The following HIF1A variants were observed in gnomAD, a reference collection of about 807,000 sequenced individuals.
HIF1A encodes hypoxia-inducible factor 1-alpha.
Under a neutral mutation model 92.7 loss-of-function variants are expected in HIF1A, and 24 were observed. The observed-to-expected ratio is 0.26, with a 90% CI of 0.19 to 0.36. The LOEUF (loss-of-function observed/expected upper bound fraction) is 0.36, where lower values mean the gene tolerates loss of function less well. Among genes scored for constraint, HIF1A ranks in the 10% least tolerant of loss-of-function variants. The pLI is 1.00. For missense variants in HIF1A, 799 were observed against 998.5 expected (o/e 0.80, Z 2.69); for synonymous variants, 319 against 338.7 (o/e 0.94, Z 0.64).
chr14:61,706,292 T>C (rs1011046627), intron 1 of HIF1A, among the ~76,000 whole-genome samples: 4 of 152,180 alleles, frequency 2.6e-5, no homozygotes, highest in Admixed American at 2.6e-4. Context: ...TATTAAAAGC[T>C]GACTTTTAAA....
At chr14:61,706,084 G>C (rs1388886844) in intron 1 of HIF1A, among the ~76,000 whole-genome samples, 3 of 151,984 alleles carry the variant, frequency 2.0e-5, no homozygotes, top group Non-Finnish European at 4.4e-5. Flanking sequence ...ACCTTCTTAG[G>C]TTCTAGTCTT....
At chr14:61,744,304 C>G (rs989082427) in intron 12 of HIF1A, among the ~76,000 whole-genome samples, 3 of 152,094 alleles carry the variant, frequency 2.0e-5, no homozygotes, top group Non-Finnish European at 4.4e-5. Flanking sequence ...GTGGGCAGAT[C>G]ACTTGCGCTC....
intron 1 of HIF1A, among the ~76,000 whole-genome samples, chr14:61,711,207 CTTTTTT>C (rs10615564): frequency 2.8e-4 from 24 of 86,130 alleles, no homozygotes; most frequent in African/African-American, 5.2e-4. Flanking sequence ...TTAAGTATTC[CTTTTTT>C]TTTTTTTTTT....
At chr14:61,708,811 G>T (rs1489645551) in intron 1 of HIF1A, among the ~76,000 whole-genome samples, 1 of 152,116 alleles carries the variant, frequency 6.6e-6, no homozygotes, top group Non-Finnish European at 1.5e-5. Flanking sequence ...TTCTTCCAGG[G>T]GACTGTGATG....
chr14:61,698,423 T>G (rs1385586068), intron 1 of HIF1A, among the ~76,000 whole-genome samples: 1 of 152,206 alleles, frequency 6.6e-6, no homozygotes, highest in African/African-American at 2.4e-5. Context: ...ATGATAAGAA[T>G]AGCAGCCATC....
chr14:61,731,478 G>A (rs2044574961), intron 6 of HIF1A, among the ~76,000 whole-genome samples: 1 of 152,144 alleles, frequency 6.6e-6, no homozygotes, highest in South Asian at 2.1e-4. Context: ...TTGAAATATT[G>A]TTTTATCTGA....
At chr14:61,708,730 G>C (rs549089876) in intron 1 of HIF1A, among the ~76,000 whole-genome samples, 3 of 152,276 alleles carry the variant, frequency 2.0e-5, no homozygotes, top group South Asian at 2.1e-4. Context: ...TTTGAAGTCA[G>C]GTAGTGTGAT....
intron 8 of HIF1A, 67 bp downstream of exon 8, chr14:61,734,352 A>G (rs900477230): frequency 1.2e-5 from 13 of 1,046,886 alleles, no homozygotes; most frequent in Non-Finnish European, 1.7e-5. Flanking sequence ...TACTCTGTTC[A>G]TTTATAGGAA....
chr14:61,714,008 G>A (rs2044336088), intron 1 of HIF1A, among the ~76,000 whole-genome samples: 1 of 152,202 alleles, frequency 6.6e-6, no homozygotes, highest in East Asian at 1.9e-4. Context: ...GATTGCTGTG[G>A]TGTGGGAGCA....
Position 61,747,070 on chromosome 14 carries a change from G to A in HIF1A, c.2466G>A (p.Leu822=), listed in dbSNP as rs777407997. ...LLQGEELLRA[L]DQVN is the part of the protein sequence containing the mutation. ...AGGGTGAAGAATTACTCAGAGCTTT[G>A]GATCAAGTTAACTGAGCTTTTTCTT... Residue 822 remains leucine (L), a synonymous_variant, in exon 15 of 15, where the codon TTG becomes TTA. Coordinates refer to ENST00000337138, the MANE Select transcript of HIF1A (RefSeq NM_001530.4). 1 of 1,609,072 alleles carries A rather than the reference G, an allele frequency of 6.2e-7. No individual in the cohort carries two copies. Among genetic ancestry groups the A allele is most frequent in the South Asian group, 1.1e-5 (1 of 89,808 alleles).
At position 61,740,522 on chromosome 14, in the gene HIF1A, A is replaced by C. The variant is rs1482931874; in HGVS notation, c.1554A>C (p.Glu518Asp). The C allele has an allele frequency of 6.3e-7, 1 of 1,588,612 alleles. No homozygotes were observed. The highest frequency in any genetic ancestry group is 1.4e-5 in the African/African-American group (1 of 73,706). ...QSSPEPNSPS[E>D]YCFYVDSDMV... ...TTTTACAGCCTAATAGTCCCAGTGA[A>C]TATTGTTTTTATGTGGATAGTGATA... The change falls in exon 11 of 15, where the codon GAA becomes GAC. Residue 518 changes from glutamate (E) to aspartate (D), a missense_variant. By Grantham distance (45) the Glu-to-Asp change is conservative. This residue lies in a region of HIF1A where 516 missense variants were observed against 721.0 expected (regional missense o/e 0.72). Coordinates refer to ENST00000337138, the MANE Select transcript of HIF1A (RefSeq NM_001530.4).
rs542786518 is a variant in HIF1A, at chr14:61,732,099, T to C, written c.774-319T>C. On this transcript the variant is annotated intron_variant, in intron 6 of 14. Coordinates refer to ENST00000337138, the MANE Select transcript of HIF1A (RefSeq NM_001530.4). ...TGCGGTGAGCCAAGATCACACCTCA[T>C]TGTGCTCTCCAGCCTGAGCAACACG... Among the ~76,000 whole-genome samples the C allele has an allele frequency of 3.3e-5, 5 of 152,148 alleles. No homozygotes were observed. In the South Asian group the frequency reaches 8.3e-4, roughly 25 times the overall value.
chr14:61,746,871 G>A, intron 14 of HIF1A, 63 bp from the exon 15 acceptor site: 1 of 1,289,124 alleles, frequency 7.8e-7, no homozygotes, highest in Non-Finnish European at 1.1e-6. Context: ...ACACATTGTG[G>A]GTGTTTAATA....
chr14:61,729,695 C>T (rs1006070185), intron 6 of HIF1A, among the ~76,000 whole-genome samples: 3 of 151,594 alleles, frequency 2.0e-5, no homozygotes, highest in African/African-American at 7.3e-5. Flanking sequence ...TTTTTGAAAA[C>T]TTAAGGTAAC....
At position 61,740,212 on chromosome 14, in the gene HIF1A, G is replaced by A. The variant is rs576411984; in HGVS notation, c.1537-293G>A. On this transcript the variant is annotated intron_variant, in intron 10 of 14. Transcript: ENST00000337138. ...CTCCTGAGTAGCTGGGATTACAGGC[G>A]TTTGCCACCATGCCTAGCTAATTTT... 53 of 169,660 alleles carry A rather than the reference G, an allele frequency of 3.1e-4. No homozygotes were observed. The East Asian group carries it at 4.8e-3, about 15-fold the overall frequency. The allele number at this position is 169,660 out of a possible 1,614,324, so 10.5% of individuals were successfully genotyped here.
At chr14:61,731,610 A>G (rs187484190) in intron 6 of HIF1A, among the ~76,000 whole-genome samples, 1 of 152,136 alleles carries the variant, frequency 6.6e-6, no homozygotes, top group East Asian at 1.9e-4. Context: ...ATGATATTAG[A>G]ATTGTGTAAT....
chr14:61,697,767 C>G (rs1167463153), intron 1 of HIF1A: 2 of 1,430,670 alleles, frequency 1.4e-6, no homozygotes. Context: ...ATGACCTTTT[C>G]TAACTAATTT....
At position 61,727,544 on chromosome 14, in the gene HIF1A, T is replaced by C; in HGVS notation, c.662T>C (p.Val221Ala). ...AAGAAACCACCTATGACCTGCTTGG[T>C]GCTGATTTGTGAACCCATTCCTCAC... is the stretch of plus-strand genomic sequence containing the variant. ...GYKKPPMTCL[V>A]LICEPIPHPS... The change falls in exon 6 of 15, where the codon GTG (valine) becomes GCG (alanine). Residue 221 changes from valine to alanine, a missense_variant. Coordinates refer to ENST00000337138, the MANE Select transcript of HIF1A (RefSeq NM_001530.4). 6.2e-7 allele frequency: 1 copy of C among 1,613,796 alleles called. No individual in the cohort carries two copies. The highest frequency in any genetic ancestry group is 8.5e-7 in the Non-Finnish European group (1 of 1,179,726).
At chr14:61,720,623 G>C in intron 2 of HIF1A, 51 bp downstream of exon 2, 1 of 1,156,576 alleles carries the variant, frequency 8.6e-7, no homozygotes, top group Non-Finnish European at 1.2e-6. Flanking sequence ...GAAGTTAGAA[G>C]TAAATAGAAA....
Sources: gnomAD v4.1 joint callset for allele counts (sites outside exome capture counted in the v4.1 genomes callset) on GRCh38, gnomAD v4.1.1 for gene constraint, gnomAD v4.1.1 regional missense constraint, MANE v1.5 for transcripts, NCBI Gene and HGNC (gene_info 2026-07-23, HGNC 2026-07-21) for gene names.